Variants in SDS observed in about 807,000 individuals in gnomAD.
SDS encodes the protein L-serine dehydratase/L-threonine deaminase.
SDS carries 19 observed loss-of-function variants against 29.3 expected under a neutral mutation model. The ratio of observed to expected loss-of-function variants is 0.65; its 90% CI spans 0.45 to 0.95. The LOEUF (loss-of-function observed/expected upper bound fraction) is 0.95, where lower values mean the gene tolerates loss of function less well. Among genes scored for constraint, SDS ranks in the 40% least tolerant of loss-of-function variants. SDS has a pLI of 0.00. For missense variants in SDS, 375 were observed against 439.9 expected (o/e 0.85, Z 1.32); for synonymous variants, 176 against 189.0 (o/e 0.93, Z 0.56).
intron 6 of SDS, 134 bp from the exon 7 acceptor site, chr12:113,394,150 C>T: frequency 1.3e-6 from 1 of 788,678 alleles, no homozygotes; most frequent in Non-Finnish European, 2.0e-6. Flanking sequence ...CAGGTATCAC[C>T]TCTGCAGCTG....
Position 113,393,121 on chromosome 12 carries a change from G to C in SDS, c.807C>G (p.Ala269=), listed in dbSNP as rs1490861241. 1.2e-6 allele frequency: 2 copies of C among 1,613,940 alleles called. No homozygotes were observed. The highest frequency in any genetic ancestry group is 1.7e-6 in the Non-Finnish European group (2 of 1,180,040). The change falls in exon 8 of 8, where the codon GCC becomes GCG. Residue 269 remains alanine, a synonymous_variant. Transcript: ENST00000257549. ...VDDEKILVEP[A]CGAALAAVYS... is the part of the protein sequence containing the mutation. Reference sequence around the variant, plus strand: ...AGACAGCGGCCAGGGCTGCCCCGCAGGCGGGCTCCACCAGGATCTTCTCAT... The same window carrying C: ...AGACAGCGGCCAGGGCTGCCCCGCACGCGGGCTCCACCAGGATCTTCTCAT...
chr12:113,393,020 C>T lies in SDS; in HGVS notation c.908G>A (p.Cys303Tyr). The T allele has an allele frequency of 1.2e-6, 2 of 1,614,216 alleles. No individual in the cohort carries two copies. Among genetic ancestry groups the T allele is most frequent in the Non-Finnish European group, 1.7e-6 (2 of 1,180,046 alleles). Residue 303 changes from cysteine to tyrosine, a missense_variant, in exon 8 of 8, where the codon TGC becomes TAC. By Grantham distance (194) the Cys-to-Tyr change is radical (BLOSUM62 -2). Transcript: ENST00000257549. Reference sequence around the variant, plus strand: ...GGCCAGGCTGATGTTGCTGCCCCCGCAGACGATGACCACGAGGGATGGCAG... The same window carrying T: ...GGCCAGGCTGATGTTGCTGCCCCCGTAGACGATGACCACGAGGGATGGCAG... ...TPLPSLVVIV[C>Y]GGSNISLAQL... is the part of the protein sequence containing the mutation.
intron 5 of SDS, among the ~76,000 whole-genome samples, chr12:113,398,314 T>A (rs1957660968): frequency 6.6e-6 from 1 of 152,148 alleles, no homozygotes; most frequent in African/African-American, 2.4e-5. Context: ...CAAGTGATCC[T>A]CCCACCTTGG....
intron 6 of SDS, 91 bp from the exon 7 acceptor site, chr12:113,394,107 A>G (rs1279474007): frequency 1.6e-6 from 2 of 1,286,254 alleles, no homozygotes; most frequent in Non-Finnish European, 2.2e-6. Flanking sequence ...TGGATGTGAG[A>G]CAGAGAAGGC....
At chr12:113,396,447 T>C (rs1565869343) in intron 6 of SDS, among the ~76,000 whole-genome samples, 1 of 149,776 alleles carries the variant, frequency 6.7e-6, no homozygotes, top group Non-Finnish European at 1.5e-5. Flanking sequence ...TTCTTTTTCT[T>C]TCTCTCTTTC....
At position 113,392,748 on chromosome 12, in the gene SDS, A is replaced by G. The variant is rs775931828; in HGVS notation, c.*193T>C. ...GGCACAGAGCAGTCACACAGATACC[A>G]AAAAGGTCCAATTCATAGCCTCGCT... is the stretch of plus-strand genomic sequence containing the variant. On this transcript the variant is annotated 3_prime_UTR_variant, in exon 8 of 8. Coordinates refer to ENST00000257549, the MANE Select transcript of SDS (RefSeq NM_006843.3). 1.2e-5 allele frequency: 8 copies of G among 645,316 alleles called. No homozygotes were observed. The highest frequency in any genetic ancestry group is 1.9e-5 in the Non-Finnish European group (7 of 366,946). 40.0% of individuals were successfully genotyped at this position (645,316 alleles called of 1,614,324 possible).
At chr12:113,400,477 A>T (rs1041918288) in intron 1 of SDS, among the ~76,000 whole-genome samples, 1 of 151,760 alleles carries the variant, frequency 6.6e-6, no homozygotes, top group Non-Finnish European at 1.5e-5. Flanking sequence ...TGTCTCAAAA[A>T]AAAAAAAGAA....
In SDS at chr12:113,399,577, GC is replaced by G; in HGVS notation, c.131del (p.Gly44AlafsTer80). ...AQPSGSFKIR[G>X]IGHFCKRWAK... ...GTACCCTCTTGCAGAAGTGCCCAAT[GC>G]CCCGGATCTTGAAGGAGCCGGAGGG... On this transcript the variant is annotated frameshift_variant, in exon 2 of 8. Coordinates refer to ENST00000257549, the MANE Select transcript of SDS (RefSeq NM_006843.3). LOFTEE classifies it high-confidence loss of function. 6.3e-7 allele frequency: 1 copy of G among 1,598,680 alleles called. No homozygotes were observed. Among genetic ancestry groups the G allele is most frequent in the South Asian group, 1.1e-5 (1 of 88,646 alleles).
intron 7 of SDS, 70 bp from the exon 8 acceptor site, chr12:113,393,219 T>C (rs937134536): frequency 7.0e-7 from 1 of 1,424,034 alleles, no homozygotes; most frequent in Non-Finnish European, 9.9e-7. Flanking sequence ...GACAGGCCAT[T>C]GGCAGGACCT....
rs1957617161 is a variant in SDS at position 113,392,503 on chromosome 12, G to A, written c.*438C>T. The A allele has an allele frequency of 6.1e-6, 1 of 163,108 alleles. No individual in the cohort carries two copies. The highest frequency in any genetic ancestry group is 2.4e-5 in the African/African-American group (1 of 41,740). 10.1% of individuals were successfully genotyped at this position (163,108 alleles called of 1,614,324 possible). A position where few individuals can be genotyped will look rare whatever the true frequency, so the allele number is the denominator to read the frequency against. ...AAAAGTTTGCACATTAGAAAAATTAGTAAGGGTCAGGGGTGGGCTTCCTGG... is the reference window on the plus strand; with the variant it reads ...AAAAGTTTGCACATTAGAAAAATTAATAAGGGTCAGGGGTGGGCTTCCTGG... On this transcript the variant is annotated 3_prime_UTR_variant, in exon 8 of 8. Coordinates refer to ENST00000257549, the MANE Select transcript of SDS (RefSeq NM_006843.3).
chr12:113,396,280 G>T (rs1472287929), intron 6 of SDS, among the ~76,000 whole-genome samples: 1 of 152,062 alleles, frequency 6.6e-6, no homozygotes, highest in African/African-American at 2.4e-5. Context: ...TGCCACAGAG[G>T]ACTCAGTAAA....
intron 1 of SDS, among the ~76,000 whole-genome samples, chr12:113,401,432 A>T (rs566306499): frequency 6.6e-6 from 1 of 152,074 alleles, no homozygotes; most frequent in Non-Finnish European, 1.5e-5. Context: ...GGGTTTTGCT[A>T]TGTTGGCCAG....
At chr12:113,396,306 C>A (rs1249660209) in intron 6 of SDS, among the ~76,000 whole-genome samples, 1 of 150,788 alleles carries the variant, frequency 6.6e-6, no homozygotes, top group Non-Finnish European at 1.5e-5. Flanking sequence ...CCTATGAGAC[C>A]TTCCTTCCTT....
rs909127640 is a variant in SDS, at chr12:113,393,038, G to T, written c.890C>A (p.Ser297Tyr). 1.9e-6 allele frequency: 3 copies of T among 1,614,148 alleles called. No individual in the cohort carries two copies. The highest frequency in any genetic ancestry group is 1.3e-5 in the African/African-American group (1 of 74,958). The part of the protein sequence containing the change: ...LEGNLRTPLP[S>Y]LVVIVCGGSN... Reference sequence around the variant, plus strand: ...GCCCCCGCAGACGATGACCACGAGGGATGGCAGCGGGGTTCGGAGATTCCC... The same window carrying T: ...GCCCCCGCAGACGATGACCACGAGGTATGGCAGCGGGGTTCGGAGATTCCC... The change falls in exon 8 of 8, where the codon TCC becomes TAC. Residue 297 changes from serine to tyrosine, a missense_variant. Physicochemically the swap from Ser to Tyr is moderately radical, Grantham distance 144. Coordinates refer to ENST00000257549, the MANE Select transcript of SDS (RefSeq NM_006843.3).
intron 4 of SDS, 44 bp downstream of exon 4, chr12:113,398,663 C>A: frequency 1.2e-6 from 2 of 1,607,032 alleles, no homozygotes. Context: ...CCCTGTCCAG[C>A]CACCAGGCGC....
chr12:113,397,425 G>T, intron 5 of SDS, 33 bp from the exon 6 acceptor site: 1 of 1,555,694 alleles, frequency 6.4e-7, no homozygotes, highest in Non-Finnish European at 8.8e-7. Flanking sequence ...GGCAGGTCAG[G>T]GCTAGGCTTC....
At chr12:113,399,079 G>A (rs1190208900) in intron 3 of SDS, 33 bp downstream of exon 3, 1 of 1,612,782 alleles carries the variant, frequency 6.2e-7, no homozygotes, top group East Asian at 2.2e-5. Context: ...AGGACACACA[G>A]CAGAGGACAG....
Position 113,393,119 on chromosome 12 carries a change from C to T in SDS, c.809G>A (p.Cys270Tyr). 6.2e-7 allele frequency: 1 copy of T among 1,614,052 alleles called. No homozygotes were observed. The highest frequency in any genetic ancestry group is 8.5e-7 in the Non-Finnish European group (1 of 1,180,018). The change falls in exon 8 of 8, where the codon TGC (cysteine) becomes TAC (tyrosine). Residue 270 changes from cysteine to tyrosine, a missense_variant. Cys to Tyr is a radical substitution (Grantham distance 194). Transcript: ENST00000257549. ...ATAGACAGCGGCCAGGGCTGCCCCG[C>T]AGGCGGGCTCCACCAGGATCTTCTC... ...DDEKILVEPACGAALAAVYSH... is the reference protein window; with the variant it reads ...DDEKILVEPAYGAALAAVYSH...
chr12:113,396,767 G>C (rs1957649540), intron 6 of SDS: 1 of 233,424 alleles, frequency 4.3e-6, no homozygotes, highest in Non-Finnish European at 8.7e-6. Context: ...CTGGGACTAT[G>C]CGTGTGTGCT....
Sources: allele counts gnomAD v4.1 joint callset (sites outside exome capture counted in the v4.1 genomes callset), GRCh38; gene constraint gnomAD v4.1.1; transcripts MANE v1.5; gene names NCBI Gene and HGNC (gene_info 2026-07-23, HGNC 2026-07-21).